Variants in AK5 observed in about 807,000 individuals in gnomAD.
AK5 encodes the protein adenylate kinase isoenzyme 5.
Under a neutral mutation model 69.5 loss-of-function variants are expected in AK5, and 27 were observed. The ratio of observed to expected loss-of-function variants is 0.39; its 90% CI spans 0.29 to 0.54. The LOEUF is 0.54. Among genes scored for constraint, AK5 ranks in the 20% least tolerant of loss-of-function variants. The pLI, the probability that AK5 is intolerant of heterozygous loss-of-function variation, is 0.71. For synonymous variants in AK5, 260 were observed against 244.4 expected, an observed-to-expected ratio of 1.06 and a Z score of -0.60; for missense variants, 531 against 700.4, an observed-to-expected ratio of 0.76 and a Z score of 2.73.
chr1:77,410,028 G>C (rs1390419890), intron 6 of AK5, among the ~76,000 whole-genome samples: 1 of 151,884 alleles, frequency 6.6e-6, no homozygotes, highest in Admixed American at 6.6e-5. Context: ...TTTTGTCATA[G>C]TAAAGCTATT....
intron 8 of AK5, among the ~76,000 whole-genome samples, chr1:77,471,777 A>G (rs1342469565): frequency 6.6e-6 from 1 of 152,206 alleles, no homozygotes; most frequent in Non-Finnish European, 1.5e-5. Context: ...AATAATGAAA[A>G]AGCAAGAATA....
At chr1:77,470,851 A>T (rs1174291764) in intron 8 of AK5, among the ~76,000 whole-genome samples, 46 of 2,492 alleles carry the variant, frequency 0.018, 1 homozygote, top group South Asian at 0.041. Context: ...ATATATATAT[A>T]TATATATATA....
intron 7 of AK5, among the ~76,000 whole-genome samples, chr1:77,413,958 T>C (rs1360206228): frequency 1.3e-5 from 2 of 152,140 alleles, no homozygotes; most frequent in African/African-American, 2.4e-5. Context: ...TCCAAGTAAA[T>C]ACAGTGCTCT....
chr1:77,511,970 T>C (rs1265786952), intron 10 of AK5, among the ~76,000 whole-genome samples: 2 of 152,024 alleles, frequency 1.3e-5, no homozygotes, highest in African/African-American at 4.8e-5. Context: ...AGTGGGAGAA[T>C]AGATCCAAAT....
chr1:77,447,584 AG>A (rs1297155688), intron 8 of AK5, among the ~76,000 whole-genome samples: 2 of 152,270 alleles, frequency 1.3e-5, no homozygotes, highest in Non-Finnish European at 2.9e-5. Flanking sequence ...CTTGTCAGAC[AG>A]GTATTATAAT....
At chr1:77,491,835 T>C (rs763617366) in intron 10 of AK5, among the ~76,000 whole-genome samples, 1 of 152,216 alleles carries the variant, frequency 6.6e-6, no homozygotes, top group African/African-American at 2.4e-5. Flanking sequence ...GAGTAAGCAC[T>C]ATTACTCTCC....
At chr1:77,433,217 A>C (rs1320287964) in intron 8 of AK5, among the ~76,000 whole-genome samples, 3 of 152,216 alleles carry the variant, frequency 2.0e-5, no homozygotes, top group African/African-American at 7.2e-5. Flanking sequence ...ACTTGAAAAC[A>C]ATGCACAGGG....
chr1:77,556,474 TTTTTC>T (rs1660109284), intron 13 of AK5, among the ~76,000 whole-genome samples: 1 of 152,212 alleles, frequency 6.6e-6, no homozygotes, highest in Non-Finnish European at 1.5e-5. Context: ...GCTGTGGTTC[TTTTTC>T]TTTTAATTAC....
At chr1:77,488,169 C>T (rs1379620304) in intron 10 of AK5, among the ~76,000 whole-genome samples, 3 of 152,104 alleles carry the variant, frequency 2.0e-5, no homozygotes, top group Admixed American at 1.3e-4. Flanking sequence ...ACCTTAGTTC[C>T]AGTTGTCATC....
intron 6 of AK5, among the ~76,000 whole-genome samples, chr1:77,342,854 C>A (rs1036549131): frequency 1.3e-5 from 2 of 151,380 alleles, no homozygotes; most frequent in African/African-American, 2.4e-5. Context: ...CCTTTTCTCC[C>A]ACCTGCCCCT....
intron 10 of AK5, among the ~76,000 whole-genome samples, chr1:77,492,201 T>G (rs1225686741): frequency 6.6e-6 from 1 of 152,082 alleles, no homozygotes; most frequent in Non-Finnish European, 1.5e-5. Context: ...AATATTAAAA[T>G]GATGTGTGCT....
intron 8 of AK5, among the ~76,000 whole-genome samples, chr1:77,450,527 G>A (rs564794448): frequency 1.4e-5 from 2 of 139,432 alleles, no homozygotes; most frequent in Non-Finnish European, 3.1e-5. Flanking sequence ...GAGTTCTCAT[G>A]ATCTGGTTTA....
At chr1:77,293,000 G>A (rs1395001515) in intron 2 of AK5, among the ~76,000 whole-genome samples, 3 of 152,036 alleles carry the variant, frequency 2.0e-5, no homozygotes, top group Non-Finnish European at 4.4e-5. Flanking sequence ...ACACACTAAC[G>A]TATTGGCATG....
At chr1:77,478,706 G>A (rs1446037609) in intron 8 of AK5, among the ~76,000 whole-genome samples, 1 of 152,182 alleles carries the variant, frequency 6.6e-6, no homozygotes, top group Non-Finnish European at 1.5e-5. Flanking sequence ...AGTTGAAGAA[G>A]ATAGTTTCTT....
intron 13 of AK5, among the ~76,000 whole-genome samples, chr1:77,548,898 CTTTTTTTTT>C (rs34026852): frequency 1.1e-5 from 1 of 87,900 alleles, no homozygotes; most frequent in Non-Finnish European, 2.2e-5. Context: ...TTGCTTTTAG[CTTTTTTTTT>C]TTTTTTTTTT....
intron 12 of AK5, among the ~76,000 whole-genome samples, chr1:77,535,184 A>G (rs1658890368): frequency 1.3e-5 from 2 of 152,228 alleles, no homozygotes; most frequent in South Asian, 4.1e-4. Context: ...CTTGTGACCT[A>G]GACTCTAAAA....
chr1:77,512,591 T>C (rs1038570937), intron 10 of AK5, among the ~76,000 whole-genome samples: 1 of 152,230 alleles, frequency 6.6e-6, no homozygotes, highest in Non-Finnish European at 1.5e-5. Flanking sequence ...TCAACCATTG[T>C]GGAAGTCAGT....
intron 6 of AK5, among the ~76,000 whole-genome samples, chr1:77,395,355 C>A (rs1648760311): frequency 1.3e-5 from 2 of 152,136 alleles, no homozygotes; most frequent in African/African-American, 4.8e-5. Context: ...AGGCTTCTAA[C>A]AAATTCTAGT....
At chr1:77,415,410 A>G (rs1650357525) in intron 7 of AK5, among the ~76,000 whole-genome samples, 1 of 152,234 alleles carries the variant, frequency 6.6e-6, no homozygotes, top group Non-Finnish European at 1.5e-5. Flanking sequence ...CTCACTCCAC[A>G]TGAATCACTC....
Sources: allele counts gnomAD v4.1 joint callset (sites outside exome capture counted in the v4.1 genomes callset), GRCh38; gene constraint gnomAD v4.1.1; transcripts MANE v1.5; gene names NCBI Gene and HGNC (gene_info 2026-07-23, HGNC 2026-07-21).